OPA1: variants seen among roughly 807,000 people sequenced by gnomAD.
OPA1 encodes the protein dynamin-like GTPase OPA1, mitochondrial.
Under a neutral mutation model 152.9 loss-of-function variants are expected in OPA1, and 59 were observed. The observed-to-expected ratio is 0.39, with a 90% CI of 0.31 to 0.48. The LOEUF (loss-of-function observed/expected upper bound fraction) is 0.48. OPA1 is among the 20% of genes least tolerant of loss of function. The pLI is 0.96. For missense variants in OPA1, 1,008 were observed against 1,216.8 expected (o/e 0.83, Z 2.55); for synonymous variants, 400 against 389.9 (o/e 1.03, Z -0.31).
Position 193,655,159 on chromosome 3 carries a change from C to T in OPA1, c.2178+132C>T, listed in dbSNP as rs1003236005. 6.3e-5 allele frequency: 52 copies of T among 820,766 alleles called. 1 individual carries two copies. In the South Asian group the frequency reaches 7.8e-4, roughly 12 times the overall value. The allele number at this position is 820,766 out of a possible 1,614,324, so 50.8% of individuals were successfully genotyped here. A position where few individuals can be genotyped will look rare whatever the true frequency, so the allele number is the denominator to read the frequency against. ...CTTTATATCTCATTTATTCTTTATT[C>T]CTCATCTCTGTTTTGGGACTAACCT... is the stretch of plus-strand genomic sequence containing the variant. On this transcript the variant is annotated intron_variant, in intron 22 of 30. Transcript: ENST00000361510.
chr3:193,601,608 C>A (rs1726476689), intron 1 of OPA1, among the ~76,000 whole-genome samples: 1 of 152,120 alleles, frequency 6.6e-6, no homozygotes, highest in South Asian at 2.1e-4. Context: ...GGTGTATAAC[C>A]ACATCTAGTA....
chr3:193,634,722 A>C (rs1732677777), intron 8 of OPA1, among the ~76,000 whole-genome samples: 1 of 152,102 alleles, frequency 6.6e-6, no homozygotes, highest in African/African-American at 2.4e-5. Context: ...TCATTTTTTG[A>C]AATAGTAATA....
At chr3:193,622,465 G>A (rs1730309590) in intron 6 of OPA1, among the ~76,000 whole-genome samples, 1 of 151,956 alleles carries the variant, frequency 6.6e-6, no homozygotes, top group South Asian at 2.1e-4. Flanking sequence ...TTGACCTCAT[G>A]GTCCGTCCAC....
chr3:193,623,267 C>T (rs994208896), intron 6 of OPA1, among the ~76,000 whole-genome samples: 15 of 152,136 alleles, frequency 9.9e-5, no homozygotes, highest in Admixed American at 2.6e-4. Flanking sequence ...AATACTATCA[C>T]ATTGTGAGGC....
chr3:193,688,052 C>A (rs955033786), intron 29 of OPA1, among the ~76,000 whole-genome samples: 1 of 152,074 alleles, frequency 6.6e-6, no homozygotes, highest in African/African-American at 2.4e-5. Context: ...CCTCCTGTTC[C>A]CAGGCTTGCT....
At chr3:193,631,094 A>G (rs907773847) in intron 7 of OPA1, among the ~76,000 whole-genome samples, 17 of 152,196 alleles carry the variant, frequency 1.1e-4, no homozygotes, top group Non-Finnish European at 2.2e-4. Context: ...CTTTGCATTT[A>G]TTACATAATT....
intron 29 of OPA1, among the ~76,000 whole-genome samples, chr3:193,671,134 G>A (rs558912762): frequency 6.6e-6 from 1 of 152,252 alleles, no homozygotes; most frequent in East Asian, 1.9e-4. Flanking sequence ...CGCAAAATAT[G>A]TTCACAGAAA....
chr3:193,669,412 C>T (rs999152879), intron 29 of OPA1, among the ~76,000 whole-genome samples: 3 of 152,174 alleles, frequency 2.0e-5, no homozygotes, highest in Non-Finnish European at 2.9e-5. Context: ...TTTGTGCTAA[C>T]GTAGAAGATT....
At chr3:193,610,706 T>C (rs1266356840) in intron 1 of OPA1, among the ~76,000 whole-genome samples, 1 of 152,206 alleles carries the variant, frequency 6.6e-6, no homozygotes, top group Admixed American at 6.5e-5. Flanking sequence ...TCCCAGCTGC[T>C]TTTTTTACCT....
intron 29 of OPA1, among the ~76,000 whole-genome samples, chr3:193,669,720 C>T (rs1343944609): frequency 6.6e-6 from 1 of 152,164 alleles, no homozygotes; most frequent in Non-Finnish European, 1.5e-5. Flanking sequence ...CAGCATAACA[C>T]ATTTTTAAGT....
chr3:193,654,136 A>G (rs189300875), intron 21 of OPA1, among the ~76,000 whole-genome samples: 168 of 152,344 alleles, frequency 1.1e-3, no homozygotes, highest in African/African-American at 3.8e-3. Flanking sequence ...GAAACAGCCT[A>G]AGGGTCTATC....
In OPA1 at chr3:193,618,953, AT is replaced by A. The variant is rs766723697; in HGVS notation, c.678+19del. 2 of 1,595,394 alleles carry A rather than the reference AT, an allele frequency of 1.3e-6. No homozygotes were observed. The highest frequency in any genetic ancestry group is 1.7e-6 in the Non-Finnish European group (2 of 1,162,966). The stretch of plus-strand genomic sequence containing the variant: ...TTTAGAAAGGTAAGTGTAAAAGAGA[AT>A]TGTTCATGTAGGTAGTCTTGAAAGA... On this transcript the variant is annotated intron_variant, in intron 6 of 30. Coordinates refer to ENST00000361510, the MANE Select transcript of OPA1 (RefSeq NM_130837.3).
intron 6 of OPA1, chr3:193,624,347 T>C (rs1298355940): frequency 6.6e-6 from 1 of 152,172 alleles, no homozygotes; most frequent in Non-Finnish European, 1.5e-5. Flanking sequence ...ATTTTATAAA[T>C]TAGAATACTA....
intron 6 of OPA1, among the ~76,000 whole-genome samples, chr3:193,622,915 C>T (rs899043863): frequency 2.8e-4 from 42 of 152,302 alleles, no homozygotes; most frequent in African/African-American, 9.9e-4. Context: ...CTCTCATTAC[C>T]TGCAAATTCT....
intron 11 of OPA1, among the ~76,000 whole-genome samples, chr3:193,642,218 T>C (rs1199459256): frequency 6.6e-6 from 1 of 152,242 alleles, no homozygotes; most frequent in Admixed American, 6.5e-5. Context: ...TTCTCTTCTG[T>C]GGCACCCTAG....
At chr3:193,648,420 T>C (rs544491858) in intron 20 of OPA1, 1 of 390,084 alleles carries the variant, frequency 2.6e-6, no homozygotes, top group Non-Finnish European at 4.6e-6. Flanking sequence ...CGTGTATTCC[T>C]GTAATTTAGT....
rs923926484 is a variant in OPA1 at position 193,654,906 on chromosome 3, A to G, written c.2057A>G (p.His686Arg). 1 of 1,613,844 alleles carries G rather than the reference A, an allele frequency of 6.2e-7. No individual in the cohort carries two copies. The highest frequency in any genetic ancestry group is 1.3e-5 in the African/African-American group (1 of 74,920). ...TCTTTGTGGGAAAGAGTATCAACTC[A>G]TGTGATTGAAAACATCTACCTTCCA... ...QQSLWERVSTHVIENIYLPAA... is the reference protein window; with the variant it reads ...QQSLWERVSTRVIENIYLPAA... The change falls in exon 22 of 31, where the codon CAT becomes CGT. Residue 686 changes from histidine to arginine, a missense_variant. By Grantham distance (29) the His-to-Arg change is conservative. Around this residue, in one of 7 missense-constraint regions of OPA1, gnomAD observed 229 missense variants for 269.0 expected, o/e 0.85. Transcript: ENST00000361510.
intron 7 of OPA1, among the ~76,000 whole-genome samples, chr3:193,629,058 C>T (rs1007591505): frequency 4.6e-5 from 7 of 152,024 alleles, no homozygotes; most frequent in African/African-American, 9.7e-5. Flanking sequence ...GGATTACAGG[C>T]ACATGCCACT....
chr3:193,618,408 G>C (rs1167492740), intron 5 of OPA1, among the ~76,000 whole-genome samples: 1 of 151,814 alleles, frequency 6.6e-6, no homozygotes, highest in Non-Finnish European at 1.5e-5. Flanking sequence ...AACCCAGGAG[G>C]CGGAGGTTGC....
Sources: allele counts gnomAD v4.1 joint callset (sites outside exome capture counted in the v4.1 genomes callset), GRCh38; gene constraint gnomAD v4.1.1; regional missense constraint gnomAD v4.1.1; transcripts MANE v1.5; gene names NCBI Gene and HGNC (gene_info 2026-07-23, HGNC 2026-07-21).